The following FOXA3 variants were observed in gnomAD, a reference collection of about 807,000 sequenced individuals.
FOXA3 encodes hepatocyte nuclear factor 3-gamma.
Under a neutral mutation model 16.9 loss-of-function variants are expected in FOXA3, and 11 were observed. That is an observed-to-expected ratio of 0.65 (90% confidence interval 0.41 to 1.08). FOXA3 has a LOEUF of 1.08. FOXA3 is among the 50% of genes least tolerant of loss of function. FOXA3 has a pLI of 0.00. For missense variants in FOXA3, 423 were observed against 470.1 expected (o/e 0.90, Z 0.93); for synonymous variants, 217 against 203.3 (o/e 1.07, Z -0.57).
At chr19:45,871,701 T>G (rs1047825763) in intron 1 of FOXA3, among the ~76,000 whole-genome samples, 3 of 151,428 alleles carry the variant, frequency 2.0e-5, no homozygotes, top group Non-Finnish European at 2.9e-5. Context: ...GCCACTGCAC[T>G]CCAGCCTGGG....
At chr19:45,871,788 A>G (rs984576783) in intron 1 of FOXA3, among the ~76,000 whole-genome samples, 5 of 152,144 alleles carry the variant, frequency 3.3e-5, no homozygotes, top group African/African-American at 7.2e-5. Context: ...GACATCCTCA[A>G]AGGGTTTCAG....
intron 1 of FOXA3, among the ~76,000 whole-genome samples, chr19:45,865,222 G>T (rs1972072777): frequency 6.6e-6 from 1 of 152,008 alleles, no homozygotes. Flanking sequence ...CCCTACCCAT[G>T]ACCCTCCGCA....
At position 45,872,261 on chromosome 19, in the gene FOXA3, G is replaced by GGCA. The variant is rs1966914597; in HGVS notation, c.265_267dup (p.Ser90dup). ...TTTCCCAGGCCTGGGTGTCAGCGGT[G>GGCA]GCAGCAGCAGCTCCGGGTACGGGGC... On this transcript the variant is annotated inframe_insertion, in exon 2 of 2. Coordinates refer to ENST00000302177, the MANE Select transcript of FOXA3 (RefSeq NM_004497.3). The surrounding 1 kb of genome is among the most constrained non-coding windows in gnomAD (Gnocchi z 4.5). 6.8e-6 allele frequency: 11 copies of GGCA among 1,610,528 alleles called. No individual in the cohort carries two copies. Among genetic ancestry groups the GGCA allele is most frequent in the Non-Finnish European group, 9.3e-6 (11 of 1,177,262 alleles).
intron 1 of FOXA3, among the ~76,000 whole-genome samples, chr19:45,864,869 G>A (rs754925905): frequency 2.0e-5 from 3 of 152,162 alleles, no homozygotes; most frequent in Non-Finnish European, 4.4e-5. Flanking sequence ...AGAGTTCCAG[G>A]GTAGGGGACA....
At chr19:45,867,445 A>G (rs1972094448) in intron 1 of FOXA3, among the ~76,000 whole-genome samples, 1 of 151,758 alleles carries the variant, frequency 6.6e-6, no homozygotes, top group African/African-American at 2.4e-5. Context: ...AGATAGATAG[A>G]TAGATAGATA....
At chr19:45,870,311 A>G (rs1009159346) in intron 1 of FOXA3, among the ~76,000 whole-genome samples, 1 of 151,548 alleles carries the variant, frequency 6.6e-6, no homozygotes, top group African/African-American at 2.4e-5. Flanking sequence ...CTGGGACTAC[A>G]GGCGTTCGCC....
rs1966908888 is a variant in FOXA3, at chr19:45,872,012, T to C, written c.70-63T>C. 4 of 1,534,916 alleles carry C rather than the reference T, an allele frequency of 2.6e-6. No homozygotes were observed. The Admixed American group carries it at 7.4e-5, about 28-fold the overall frequency. The stretch of plus-strand genomic sequence containing the variant: ...AGACAGACGGACACTCAGTGGGTCC[T>C]GGGATCCTTTGCTGACCAGCAGAGT... On this transcript the variant is annotated intron_variant, in intron 1 of 1. Transcript: ENST00000302177. This position sits in a 1 kb window ranked among gnomAD's most constrained non-coding sequence, Gnocchi z 4.5.
chr19:45,867,792 A>AAAAAAAAAAC (rs1972097896), intron 1 of FOXA3, among the ~76,000 whole-genome samples: 1 of 149,416 alleles, frequency 6.7e-6, no homozygotes, highest in Non-Finnish European at 1.5e-5. Flanking sequence ...AAAAAAAAAA[A>AAAAAAAAAAC]AAAAAAGACA....
At position 45,872,276 on chromosome 19, in the gene FOXA3, G is replaced by C. The variant is rs758330593; in HGVS notation, c.271G>C (p.Gly91Arg). Residue 91 changes from glycine (G) to arginine (R), a missense_variant, in exon 2 of 2, where the codon GGG becomes CGG. This residue lies in a region of FOXA3 where 170 missense variants were observed against 153.9 expected (regional missense o/e 1.10). Coordinates refer to ENST00000302177, the MANE Select transcript of FOXA3 (RefSeq NM_004497.3). The surrounding 1 kb of genome is among the most constrained non-coding windows in gnomAD (Gnocchi z 4.5). ...LGVSGGSSSS[G>R]YGAPGPGLVH... ...TGTCAGCGGTGGCAGCAGCAGCTCC[G>C]GGTACGGGGCCCCGGGTCCTGGGCT... 1.2e-6 allele frequency: 2 copies of C among 1,612,526 alleles called. No homozygotes were observed. The highest frequency in any genetic ancestry group is 1.7e-6 in the Non-Finnish European group (2 of 1,178,778).
Position 45,872,809 on chromosome 19 carries a change from G to A in FOXA3, c.804G>A (p.Val268=), listed in dbSNP as rs1282171997. 6.2e-7 allele frequency: 1 copy of A among 1,612,258 alleles called. No homozygotes were observed. Among genetic ancestry groups the A allele is most frequent in the South Asian group, 1.1e-5 (1 of 91,078 alleles). ...CTGAGGCCCAGGGCGGGGAAGATGT[G>A]GGGGCTCTGGACTGTGGCTCACCCG... The part of the protein sequence containing the change: ...PEPEAQGGED[V]GALDCGSPAS... The change falls in exon 2 of 2, where the codon GTG becomes GTA. Residue 268 remains valine, a synonymous_variant. Coordinates refer to ENST00000302177, the MANE Select transcript of FOXA3 (RefSeq NM_004497.3). The surrounding 1 kb of genome is among the most constrained non-coding windows in gnomAD (Gnocchi z 4.5).
Position 45,872,263 on chromosome 19 carries a change from C to T in FOXA3, c.258C>T (p.Gly86=). The T allele has an allele frequency of 6.2e-7, 1 of 1,610,670 alleles. No individual in the cohort carries two copies. Among genetic ancestry groups the T allele is most frequent in the South Asian group, 1.1e-5 (1 of 90,990 alleles). The change falls in exon 2 of 2, where the codon GGC becomes GGT. Residue 86 remains glycine, a synonymous_variant. Transcript: ENST00000302177. The surrounding 1 kb of genome is among the most constrained non-coding windows in gnomAD (Gnocchi z 4.5). ...TCCCAGGCCTGGGTGTCAGCGGTGG[C>T]AGCAGCAGCTCCGGGTACGGGGCCC... is the stretch of plus-strand genomic sequence containing the variant. ...PTFPGLGVSG[G]SSSSGYGAPG...
At chr19:45,870,172 CTTTT>C (rs61352328) in intron 1 of FOXA3, among the ~76,000 whole-genome samples, 2 of 130,052 alleles carry the variant, frequency 1.5e-5, no homozygotes, top group East Asian at 2.3e-4. Flanking sequence ...GTTATAATAA[CTTTT>C]TTTTTTTTTT....
intron 1 of FOXA3, among the ~76,000 whole-genome samples, chr19:45,865,350 G>A (rs1972074544): frequency 6.6e-6 from 1 of 152,066 alleles, no homozygotes; most frequent in South Asian, 2.1e-4. Flanking sequence ...CTCAGACAAG[G>A]CTTCCCTGGA....
rs1192579146 is a variant in FOXA3 at position 45,864,326 on chromosome 19, G to C, written c.-131G>C. On this transcript the variant is annotated 5_prime_UTR_variant, in exon 1 of 2. Coordinates refer to ENST00000302177, the MANE Select transcript of FOXA3 (RefSeq NM_004497.3). ...AGCGTGGCCGCCTCCCGCGGCGCTC[G>C]GGACAGCCGTACCCCGGGCGGTCGG... 10 of 728,506 alleles carry C rather than the reference G, an allele frequency of 1.4e-5. No individual in the cohort carries two copies. The highest frequency in any genetic ancestry group is 1.3e-4 in the Admixed American group (3 of 22,962). 45.1% of individuals were successfully genotyped at this position (728,506 alleles called of 1,614,324 possible). A position where few individuals can be genotyped will look rare whatever the true frequency, so the allele number is the denominator to read the frequency against.
In FOXA3 at chr19:45,871,968, T is replaced by C. The variant is rs1568634470; in HGVS notation, c.70-107T>C. On this transcript the variant is annotated intron_variant, in intron 1 of 1. Coordinates refer to ENST00000302177, the MANE Select transcript of FOXA3 (RefSeq NM_004497.3). Reference sequence around the variant, plus strand: ...TAGAGGTAATGATGGAAGGGATTTGTAGAGAAGGCAAGATGGACAGACAGA... The same window carrying C: ...TAGAGGTAATGATGGAAGGGATTTGCAGAGAAGGCAAGATGGACAGACAGA... 3.5e-6 allele frequency: 4 copies of C among 1,137,142 alleles called. No individual in the cohort carries two copies. In the East Asian group the frequency reaches 7.1e-5, roughly 20 times the overall value. The allele number at this position is 1,137,142 out of a possible 1,614,324, so 70.4% of individuals were successfully genotyped here. A position where few individuals can be genotyped will look rare whatever the true frequency, so the allele number is the denominator to read the frequency against.
intron 1 of FOXA3, among the ~76,000 whole-genome samples, chr19:45,865,547 A>C (rs1972076912): frequency 6.6e-6 from 1 of 152,102 alleles, no homozygotes; most frequent in Admixed American, 6.6e-5. Context: ...GGGTCTGGAC[A>C]CTTGGACTTC....
intron 1 of FOXA3, among the ~76,000 whole-genome samples, chr19:45,867,657 A>G (rs1055959200): frequency 1.3e-5 from 2 of 151,450 alleles, no homozygotes; most frequent in Non-Finnish European, 2.9e-5. Flanking sequence ...GTGCATGCCT[A>G]TAATCCCAGT....
intron 1 of FOXA3, among the ~76,000 whole-genome samples, chr19:45,865,837 G>A (rs546245492): frequency 2.6e-5 from 4 of 152,100 alleles, no homozygotes; most frequent in Non-Finnish European, 5.9e-5. Context: ...GTGGAGGCAG[G>A]GTGGCTGGAG....
At chr19:45,865,647 GC>G (rs1972077873) in intron 1 of FOXA3, among the ~76,000 whole-genome samples, 1 of 152,226 alleles carries the variant, frequency 6.6e-6, no homozygotes, top group Non-Finnish European at 1.5e-5. Context: ...GACTGCGGGG[GC>G]CCCAGTGTGC....
Sources: allele counts gnomAD v4.1 joint callset (sites outside exome capture counted in the v4.1 genomes callset), GRCh38; gene constraint gnomAD v4.1.1; regional missense constraint gnomAD v4.1.1; non-coding constraint Gnocchi (gnomAD v3.1); transcripts MANE v1.5; gene names NCBI Gene and HGNC (gene_info 2026-07-23, HGNC 2026-07-21).